Variants in LDHAL6A observed in about 807,000 individuals in gnomAD.
The protein encoded by LDHAL6A is L-lactate dehydrogenase A-like 6A.
LDHAL6A carries 19 observed loss-of-function variants against 28.2 expected under a neutral mutation model. The observed-to-expected ratio is 0.67, with a 90% CI of 0.47 to 0.99. LDHAL6A has a LOEUF of 0.99. Among genes scored for constraint, LDHAL6A ranks in the 50% least tolerant of loss-of-function variants. The probability of loss-of-function intolerance (pLI) is 0.00; values close to 1 mark genes in which losing one functional copy is unlikely to be tolerated. For missense variants in LDHAL6A, 372 were observed against 398.6 expected, an observed-to-expected ratio of 0.93 and a Z score of 0.57; for synonymous variants, 144 against 134.4, an observed-to-expected ratio of 1.07 and a Z score of -0.49.
At position 18,464,977 on chromosome 11, in the gene LDHAL6A, G is replaced by GTTTTTTTTTTTTTTTTTTTT. The variant is rs67628824; in HGVS notation, c.245-651_245-650insTTTTTTTTTTTTTTTTTTTT. 1.4e-3 allele frequency among the ~76,000 whole-genome samples: 178 copies of GTTTTTTTTTTTTTTTTTTTT among 125,446 alleles called. 14 individuals carry two copies. The highest frequency in any genetic ancestry group is 8.5e-3 in the Middle Eastern group (2 of 236). 82.3% of individuals were successfully genotyped at this position (125,446 alleles called of 152,430 possible). A position where few individuals can be genotyped will look rare whatever the true frequency, so the allele number is the denominator to read the frequency against. Reference sequence around the variant, plus strand: ...TTTTAGGAGGTGAGGTGTTTTTTTTGTTTTTTTTTGTTTTGTTTTGTTTTG... The same window carrying GTTTTTTTTTTTTTTTTTTTT: ...TTTTAGGAGGTGAGGTGTTTTTTTTGTTTTTTTTTTTTTTTTTTTTTTTTTTTTTGTTTTGTTTTGTTTTG... On this transcript the variant is annotated intron_variant, in intron 2 of 6. Transcript: ENST00000280706.
At chr11:18,472,344 G>A (rs1001552009) in intron 3 of LDHAL6A, among the ~76,000 whole-genome samples, 1 of 152,050 alleles carries the variant, frequency 6.6e-6, no homozygotes, top group Admixed American at 6.6e-5. Context: ...TTAAAATAGT[G>A]GTATGATCAG....
intron 3 of LDHAL6A, among the ~76,000 whole-genome samples, chr11:18,472,684 TAA>T (rs1849281338): frequency 6.6e-6 from 1 of 152,216 alleles, no homozygotes; most frequent in Admixed American, 6.5e-5. Context: ...TACATAAAGC[TAA>T]GTTAAAAGTT....
At chr11:18,472,713 G>T (rs979342432) in intron 3 of LDHAL6A, among the ~76,000 whole-genome samples, 1 of 152,024 alleles carries the variant, frequency 6.6e-6, no homozygotes, top group African/African-American at 2.4e-5. Context: ...AATGGAAAAG[G>T]TACCAACAAA....
At chr11:18,476,316 C>T in intron 4 of LDHAL6A, 68 bp from the exon 5 acceptor site, 1 of 1,532,978 alleles carries the variant, frequency 6.5e-7, no homozygotes, top group Non-Finnish European at 8.8e-7. Flanking sequence ...AACAGTTTTG[C>T]TGAGGTCAAA....
intron 2 of LDHAL6A, among the ~76,000 whole-genome samples, chr11:18,464,569 G>T (rs555585538): frequency 1.3e-5 from 2 of 152,196 alleles, no homozygotes; most frequent in African/African-American, 4.8e-5. Context: ...ATAAAAATTA[G>T]CCGGGCGTGG....
intron 2 of LDHAL6A, 141 bp downstream of exon 2, chr11:18,464,219 C>T: frequency 1.7e-6 from 1 of 588,688 alleles, no homozygotes; most frequent in Non-Finnish European, 3.0e-6. Context: ...ATAACGTGTT[C>T]AGATTCCTTG....
Position 18,464,097 on chromosome 11 carries a change from T to C in LDHAL6A, c.244+19T>C, listed in dbSNP as rs758760180. Reference sequence around the variant, plus strand: ...AGCAAAGGTTAATGTCATAGTTAAATACTATAAATATTCTAATATACATGA... The same window carrying C: ...AGCAAAGGTTAATGTCATAGTTAAACACTATAAATATTCTAATATACATGA... On this transcript the variant is annotated intron_variant, in intron 2 of 6. Coordinates refer to ENST00000280706, the MANE Select transcript of LDHAL6A (RefSeq NM_144972.5). 9 of 1,402,508 alleles carry C rather than the reference T, an allele frequency of 6.4e-6. No individual in the cohort carries two copies. The South Asian group carries it at 1.0e-4, about 16-fold the overall frequency. 86.9% of individuals were successfully genotyped at this position (1,402,508 alleles called of 1,614,324 possible).
rs949963285 is a variant in LDHAL6A, at chr11:18,465,923, A to G, written c.418+113A>G. The G allele has an allele frequency of 3.5e-5, 29 of 820,590 alleles. 1 individual carries two copies. In the East Asian group the frequency reaches 4.4e-4, roughly 12 times the overall value. 50.8% of individuals were successfully genotyped at this position (820,590 alleles called of 1,614,324 possible). On this transcript the variant is annotated intron_variant, in intron 3 of 6. Coordinates refer to ENST00000280706, the MANE Select transcript of LDHAL6A (RefSeq NM_144972.5). ...GGTTTGGGGTAGGATTGATCCTGCC[A>G]CCCAGGTACTGAGCAAAGTACCTAA...
At position 18,477,659 on chromosome 11, in the gene LDHAL6A, G is replaced by C. The variant is rs1849421859; in HGVS notation, c.750G>C (p.Trp250Cys). ...EMVKMKGYTS[W>C]GISLSVADLT... ...TCAAAATGAAAGGTTATACTTCTTG[G>C]GGCATTAGCCTATCTGTAGCTGATT... The change falls in exon 6 of 7, where the codon TGG (tryptophan) becomes TGC (cysteine). Residue 250 changes from tryptophan to cysteine, a missense_variant. By Grantham distance (215) the Trp-to-Cys change is radical. Transcript: ENST00000280706. 6.2e-7 allele frequency: 1 copy of C among 1,612,576 alleles called. No homozygotes were observed. The highest frequency in any genetic ancestry group is 8.5e-7 in the Non-Finnish European group (1 of 1,179,512).
intron 1 of LDHAL6A, among the ~76,000 whole-genome samples, chr11:18,463,270 T>C (rs1848972255): frequency 6.6e-6 from 1 of 151,994 alleles, no homozygotes; most frequent in Non-Finnish European, 1.5e-5. Flanking sequence ...GGAGTGGGAA[T>C]GGTAGCTTTA....
At chr11:18,467,460 T>C (rs988420901) in intron 3 of LDHAL6A, among the ~76,000 whole-genome samples, 1 of 152,206 alleles carries the variant, frequency 6.6e-6, no homozygotes, top group African/African-American at 2.4e-5. Context: ...TAACTTAATA[T>C]ATCATGAAGC....
chr11:18,467,406 G>C (rs1349038501), intron 3 of LDHAL6A, among the ~76,000 whole-genome samples: 2 of 152,032 alleles, frequency 1.3e-5, no homozygotes, highest in Non-Finnish European at 2.9e-5. Flanking sequence ...ATGGTTTACA[G>C]CTTTTTGTTA....
In LDHAL6A at chr11:18,472,208, C is replaced by T. The variant is rs1435640585; in HGVS notation, c.419-3258C>T. 5.3e-5 allele frequency among the ~76,000 whole-genome samples: 8 copies of T among 152,126 alleles called. No homozygotes were observed. The East Asian group carries it at 1.5e-3, about 29-fold the overall frequency. On this transcript the variant is annotated intron_variant, in intron 3 of 6. Coordinates refer to ENST00000280706, the MANE Select transcript of LDHAL6A (RefSeq NM_144972.5). ...CCCCTTGAGTTTCAGTGGCAGTTGA[C>T]GAACCTCTTAAGGCCCAGGATGACT...
intron 3 of LDHAL6A, among the ~76,000 whole-genome samples, chr11:18,467,967 AC>A (rs1849139205): frequency 6.1e-5 from 1 of 16,410 alleles, no homozygotes; most frequent in Non-Finnish European, 1.6e-4. Flanking sequence ...GTATATATAT[AC>A]GTATATATAT....
intron 3 of LDHAL6A, among the ~76,000 whole-genome samples, chr11:18,474,329 G>A (rs1352987154): frequency 1.3e-5 from 2 of 151,282 alleles, no homozygotes; most frequent in African/African-American, 2.4e-5. Context: ...CACCCGCCTC[G>A]GCCTCCCAAA....
intron 3 of LDHAL6A, among the ~76,000 whole-genome samples, chr11:18,469,391 C>G (rs1366104727): frequency 6.6e-6 from 1 of 152,174 alleles, no homozygotes; most frequent in South Asian, 2.1e-4. Flanking sequence ...ACTGGCCCAC[C>G]ACACTCCCAC....
chr11:18,460,275 T>C (rs1018320226), intron 1 of LDHAL6A, among the ~76,000 whole-genome samples: 1 of 151,700 alleles, frequency 6.6e-6, no homozygotes, highest in Non-Finnish European at 1.5e-5. Context: ...CTCTAAAATA[T>C]AAATAAATGA....
At position 18,465,658 on chromosome 11, in the gene LDHAL6A, C is replaced by T; in HGVS notation, c.266C>T (p.Ser89Phe). The change falls in exon 3 of 7, where the codon TCC becomes TTC. Residue 89 changes from serine (S) to phenylalanine (F), a missense_variant. By Grantham distance (155) the Ser-to-Phe change is radical (BLOSUM62 -2). Coordinates refer to ENST00000280706, the MANE Select transcript of LDHAL6A (RefSeq NM_144972.5). Reference protein sequence around the residue: ...SSKDYLVTANSNLVIITAGAR... With the variant: ...SSKDYLVTANFNLVIITAGAR... ...TCAGATTACCTGGTCACTGCAAACTCCAATCTAGTGATTATCACAGCAGGT... is the reference window on the plus strand; with the variant it reads ...TCAGATTACCTGGTCACTGCAAACTTCAATCTAGTGATTATCACAGCAGGT... 6.2e-7 allele frequency: 1 copy of T among 1,613,854 alleles called. No homozygotes were observed. The highest frequency in any genetic ancestry group is 8.5e-7 in the Non-Finnish European group (1 of 1,179,912).
intron 3 of LDHAL6A, among the ~76,000 whole-genome samples, chr11:18,472,645 G>A (rs920486084): frequency 2.0e-5 from 3 of 152,194 alleles, no homozygotes; most frequent in Non-Finnish European, 4.4e-5. Context: ...AGAATTTGAT[G>A]CATTTATTAT....
Sources: allele counts gnomAD v4.1 joint callset (sites outside exome capture counted in the v4.1 genomes callset), GRCh38; gene constraint gnomAD v4.1.1; transcripts MANE v1.5; gene names NCBI Gene and HGNC (gene_info 2026-07-23, HGNC 2026-07-21).